ERGIC3: variants seen among roughly 807,000 people sequenced by gnomAD.
ERGIC3 encodes the protein ERGIC and golgi 3.
In ERGIC3, 33 loss-of-function variants were observed where a neutral mutation model predicts 54.7. That is an observed-to-expected ratio of 0.60 (90% CI 0.46 to 0.81). ERGIC3 has a LOEUF of 0.81. Ranked by LOEUF, ERGIC3 falls within the 30% of genes least tolerant of loss-of-function variation. The pLI is 0.00. For missense variants in ERGIC3, 399 were observed against 488.4 expected (o/e 0.82, Z 1.73); for synonymous variants, 186 against 189.8 (o/e 0.98, Z 0.16).
chr20:35,556,740 C>T, intron 10 of ERGIC3: 1 of 608,824 alleles, frequency 1.6e-6, no homozygotes, highest in Non-Finnish European at 2.9e-6. Flanking sequence ...CCAAATGCTG[C>T]CAGGATAGGT....
At chr20:35,542,288 C>G in intron 1 of ERGIC3, 35 bp from the exon 2 acceptor site, 2 of 1,613,838 alleles carry the variant, frequency 1.2e-6, no homozygotes, top group Non-Finnish European at 1.7e-6. Flanking sequence ...GGAGCGGATT[C>G]GAGGCCATTC....
Position 35,556,748 on chromosome 20 carries a change from GGTAAACT to G in ERGIC3, c.880-219_880-213del, listed in dbSNP as rs2064715043. ...ACACCCACCAAATGCTGCCAGGATA[GGTAAACT>G]GTAAAGACTTGGCACCTGGAGGGGA... On this transcript the variant is annotated intron_variant, in intron 10 of 12. Coordinates refer to ENST00000348547, the MANE Select transcript of ERGIC3 (RefSeq NM_015966.3). The G allele has an allele frequency of 9.6e-6, 6 of 622,954 alleles. No homozygotes were observed. In the South Asian group the frequency reaches 1.2e-4, roughly 12 times the overall value. 38.6% of individuals were successfully genotyped at this position (622,954 alleles called of 1,614,324 possible).
intron 7 of ERGIC3, among the ~76,000 whole-genome samples, chr20:35,552,784 C>T (rs114685293): frequency 0.028 from 4,224 of 152,044 alleles, 191 homozygotes; most frequent in African/African-American, 0.095. Context: ...GTAGGCAGAG[C>T]ACAAGATCAG....
At chr20:35,542,978 G>A (rs1233225698) in intron 4 of ERGIC3, 37 bp downstream of exon 4, 4 of 1,612,612 alleles carry the variant, frequency 2.5e-6, no homozygotes, top group Non-Finnish European at 3.4e-6. Context: ...AGATCCCAAA[G>A]CTGGATGTAC....
In ERGIC3 at chr20:35,549,474, T is replaced by C. The variant is rs148165879; in HGVS notation, c.685+609T>C. ...AATATTTAGTAATCACCTACTAGTC[T>C]AGTTGCTAAGGGTACAGTAGTGAAC... is the stretch of plus-strand genomic sequence containing the variant. On this transcript the variant is annotated intron_variant, in intron 7 of 12. Transcript: ENST00000348547. 582 of 342,774 alleles carry C rather than the reference T, an allele frequency of 1.7e-3. 3 individuals carry two copies. Among genetic ancestry groups the C allele is most frequent in the African/African-American group, 0.012 (563 of 46,388 alleles). The allele number at this position is 342,774 out of a possible 1,614,324, so 21.2% of individuals were successfully genotyped here.
In ERGIC3 at chr20:35,542,961, G is replaced by A. The variant is rs774763191; in HGVS notation, c.367+20G>A. On this transcript the variant is annotated intron_variant, in intron 4 of 12. Coordinates refer to ENST00000348547, the MANE Select transcript of ERGIC3 (RefSeq NM_015966.3). ...GGCATGGTAACCAGGGGAGGGGGCC[G>A]GGTCTCAGATCCCAAAGCTGGATGT... 9.9e-6 allele frequency: 16 copies of A among 1,613,160 alleles called. No homozygotes were observed. The highest frequency in any genetic ancestry group is 8.3e-5 in the Admixed American group (5 of 59,970).
chr20:35,547,587 G>A, intron 5 of ERGIC3, 82 bp downstream of exon 5: 2 of 1,316,136 alleles, frequency 1.5e-6, no homozygotes, highest in East Asian at 2.3e-5. Flanking sequence ...ACTGTGGCAG[G>A]TGGGGAGGTC....
intron 4 of ERGIC3, chr20:35,544,418 A>C (rs2064636120): frequency 3.3e-6 from 1 of 300,090 alleles, no homozygotes; most frequent in Non-Finnish European, 6.7e-6. Context: ...GAGAGAGGGC[A>C]GGACAGGGGG....
chr20:35,555,349 C>T (rs1043510378), intron 8 of ERGIC3, among the ~76,000 whole-genome samples: 2 of 152,010 alleles, frequency 1.3e-5, no homozygotes, highest in Non-Finnish European at 2.9e-5. Context: ...TAAGGAACTG[C>T]GGGGCAGGTG....
chr20:35,554,975 A>T (rs2064703163), intron 7 of ERGIC3, 69 bp from the exon 8 acceptor site: 1 of 1,544,328 alleles, frequency 6.5e-7, no homozygotes, highest in Non-Finnish European at 9.0e-7. Context: ...GTCCAGGGGG[A>T]GGAAGGAGGA....
intron 2 of ERGIC3, 53 bp downstream of exon 2, chr20:35,542,446 C>G (rs932457653): frequency 1.9e-6 from 3 of 1,613,464 alleles, no homozygotes; most frequent in African/African-American, 1.3e-5. Context: ...AGGAGTAGGA[C>G]CTTTAGGGGT....
At chr20:35,553,030 T>TTTTTTTTATTTTTTTTTTTTTTA (rs1249320284) in intron 7 of ERGIC3, among the ~76,000 whole-genome samples, 24 of 119,938 alleles carry the variant, frequency 2.0e-4, no homozygotes, top group African/African-American at 7.0e-4. Flanking sequence ...ATTTTTTTTT[T>TTTTTTTTATTTTTTTTTTTTTTA]TTTTTTTTTT....
chr20:35,550,236 A>G (rs1038244413), intron 7 of ERGIC3, among the ~76,000 whole-genome samples: 1 of 152,064 alleles, frequency 6.6e-6, no homozygotes, highest in Non-Finnish European at 1.5e-5. Flanking sequence ...CAGCAAATGC[A>G]AATTCCTAAG....
At chr20:35,547,297 A>G in intron 4 of ERGIC3, 115 bp from the exon 5 acceptor site, 1 of 729,866 alleles carries the variant, frequency 1.4e-6, no homozygotes, top group Non-Finnish European at 2.4e-6. Flanking sequence ...GTACTATATG[A>G]ATATTAGTTA....
chr20:35,542,874 A>G lies in ERGIC3; in HGVS notation c.300A>G (p.Glu100=), dbSNP rs1392311757. ...CCGGAGAACAGCAGCTGGATGTGGAACACAACCTGTTCAAGCAACGACTAG... is the reference window on the plus strand; with the variant it reads ...CCGGAGAACAGCAGCTGGATGTGGAGCACAACCTGTTCAAGCAACGACTAG... ...DVAGEQQLDV[E]HNLFKQRLDK... Residue 100 remains glutamate (E), a synonymous_variant, in exon 4 of 13, where the codon GAA becomes GAG. Coordinates refer to ENST00000348547, the MANE Select transcript of ERGIC3 (RefSeq NM_015966.3). 6.2e-7 allele frequency: 1 copy of G among 1,614,096 alleles called. No homozygotes were observed. The highest frequency in any genetic ancestry group is 1.1e-5 in the South Asian group (1 of 91,076).
intron 4 of ERGIC3, 107 bp downstream of exon 4, chr20:35,543,048 G>C: frequency 6.5e-7 from 1 of 1,548,382 alleles, no homozygotes; most frequent in African/African-American, 1.4e-5. Context: ...AAACAACTAA[G>C]AGCTAGAGAA....
intron 4 of ERGIC3, chr20:35,543,545 C>T: frequency 2.1e-6 from 1 of 466,288 alleles, no homozygotes; most frequent in South Asian, 1.6e-5. Flanking sequence ...TTGGTGGCTT[C>T]CCAATTCCCT....
intron 4 of ERGIC3, among the ~76,000 whole-genome samples, chr20:35,547,062 A>C (rs1309035272): frequency 6.6e-6 from 1 of 152,164 alleles, no homozygotes; most frequent in Non-Finnish European, 1.5e-5. Context: ...GCATTGGGCA[A>C]AGTCACTTCT....
At position 35,542,936 on chromosome 20, in the gene ERGIC3, G is replaced by T. The variant is rs1162320128; in HGVS notation, c.362G>T (p.Arg121Leu). 6.2e-7 allele frequency: 1 copy of T among 1,613,850 alleles called. No homozygotes were observed. The highest frequency in any genetic ancestry group is 8.5e-7 in the Non-Finnish European group (1 of 1,179,966). ...ATCCCCGTGAGCTCAGAGGCTGAGC[G>T]GCATGGTAACCAGGGGAGGGGGCCG... ...DGIPVSSEAE[R>L]HELGKVEVTV... The change falls in exon 4 of 13, where the codon CGG (arginine) becomes CTG (leucine). Residue 121 changes from arginine to leucine, a missense_variant. Arg to Leu is a moderately radical substitution (Grantham distance 102). Transcript: ENST00000348547.
Sources: allele counts gnomAD v4.1 joint callset (sites outside exome capture counted in the v4.1 genomes callset), GRCh38; gene constraint gnomAD v4.1.1; transcripts MANE v1.5; gene names NCBI Gene and HGNC (gene_info 2026-07-23, HGNC 2026-07-21).